BEND7: variants seen among roughly 807,000 people sequenced by gnomAD.
BEND7 encodes the protein BEN domain containing 7.
In BEND7, 28 loss-of-function variants were observed where a neutral mutation model predicts 50.9. The observed-to-expected ratio is 0.55, with a 90% CI of 0.41 to 0.75. The LOEUF is 0.75. Ranked by LOEUF, BEND7 falls within the 30% of genes least tolerant of loss-of-function variation. The pLI, the probability that BEND7 is intolerant of heterozygous loss-of-function variation, is 0.00. For synonymous variants in BEND7, 170 were observed against 183.9 expected (o/e 0.92, Z 0.61); for missense variants, 477 against 491.3 (o/e 0.97, Z 0.28).
chr10:13,522,026 T>C (rs896688844), intron 2 of BEND7, among the ~76,000 whole-genome samples: 1 of 152,218 alleles, frequency 6.6e-6, no homozygotes, highest in African/African-American at 2.4e-5. Context: ...CTGGCATGGC[T>C]GCCACACTGT....
Position 13,528,855 on chromosome 10 carries a change from C to G in BEND7, c.-322G>C, listed in dbSNP as rs1246682814. ...GTTCCAGACGCCGCCCGCCGCAGCC[C>G]AACTTTCCGTTGGGAGCGGGCCGGG... On this transcript the variant is annotated 5_prime_UTR_variant, in exon 1 of 9. Coordinates refer to ENST00000466271, the MANE Select transcript of BEND7 (RefSeq NM_001369863.1). 4.2e-5 allele frequency: 6 copies of G among 144,058 alleles called. No homozygotes were observed. In the South Asian group the frequency reaches 6.3e-4, roughly 15 times the overall value. 8.9% of individuals were successfully genotyped at this position (144,058 alleles called of 1,614,324 possible).
intron 2 of BEND7, among the ~76,000 whole-genome samples, chr10:13,501,086 T>A (rs994660699): frequency 3.9e-5 from 6 of 152,034 alleles, no homozygotes; most frequent in African/African-American, 9.7e-5. Context: ...AGATAGAAAA[T>A]CTTTTTGGCC....
intron 6 of BEND7, among the ~76,000 whole-genome samples, chr10:13,478,733 AC>A (rs1157281847): frequency 6.6e-6 from 1 of 151,860 alleles, no homozygotes; most frequent in African/African-American, 2.4e-5. Context: ...ATGAATAAAC[AC>A]TGCAAATAAA....
chr10:13,489,710 G>T (rs1382232445), intron 5 of BEND7, among the ~76,000 whole-genome samples: 1 of 152,118 alleles, frequency 6.6e-6, no homozygotes, highest in Non-Finnish European at 1.5e-5. Flanking sequence ...CTATCCAGGA[G>T]GATCGTTCAA....
intron 6 of BEND7, among the ~76,000 whole-genome samples, chr10:13,462,195 T>C (rs1453966108): frequency 6.6e-6 from 1 of 152,216 alleles, no homozygotes; most frequent in East Asian, 1.9e-4. Flanking sequence ...TCTGTTCTCA[T>C]GCTGCTAATA....
intron 6 of BEND7, among the ~76,000 whole-genome samples, chr10:13,471,390 C>T (rs374241284): frequency 3.3e-5 from 5 of 152,348 alleles, no homozygotes; most frequent in African/African-American, 1.2e-4. Context: ...CTTCTGTTAA[C>T]ACACTGTTTG....
chr10:13,519,299 C>T (rs1199360937), intron 2 of BEND7, among the ~76,000 whole-genome samples: 9 of 152,020 alleles, frequency 5.9e-5, no homozygotes, highest in South Asian at 2.1e-4. Context: ...GGTGAAACCC[C>T]GTCTCTACTA....
chr10:13,455,482 G>A (rs1838746077), intron 6 of BEND7, among the ~76,000 whole-genome samples: 1 of 152,164 alleles, frequency 6.6e-6, no homozygotes, highest in Non-Finnish European at 1.5e-5. Context: ...GAGGGCTGGG[G>A]AGGGTGGCCA....
chr10:13,441,545 C>G lies in BEND7; in HGVS notation c.*198G>C. 3.5e-6 allele frequency: 5 copies of G among 1,416,374 alleles called. No individual in the cohort carries two copies. Among genetic ancestry groups the G allele is most frequent in the Non-Finnish European group, 4.6e-6 (5 of 1,086,172 alleles). 87.7% of individuals were successfully genotyped at this position (1,416,374 alleles called of 1,614,324 possible). A position where few individuals can be genotyped will look rare whatever the true frequency, so the allele number is the denominator to read the frequency against. On this transcript the variant is annotated 3_prime_UTR_variant, in exon 9 of 9. Transcript: ENST00000466271. ...AGGCAGTGCTTCTGAAGGTTCCCAG[C>G]AGATCTCTTAACAGACCACAGTTGG...
intron 2 of BEND7, among the ~76,000 whole-genome samples, chr10:13,524,963 C>T (rs2079348666): frequency 6.6e-6 from 1 of 152,142 alleles, no homozygotes; most frequent in Admixed American, 6.5e-5. Flanking sequence ...CCTTTCTATC[C>T]CTCAAAGCAA....
chr10:13,453,627 T>C (rs1320357280), intron 6 of BEND7, among the ~76,000 whole-genome samples: 1 of 152,116 alleles, frequency 6.6e-6, no homozygotes, highest in Non-Finnish European at 1.5e-5. Flanking sequence ...AAGAGCTCAT[T>C]CAAATAAAAG....
chr10:13,462,358 G>T (rs1840387845), intron 6 of BEND7, among the ~76,000 whole-genome samples: 2 of 152,134 alleles, frequency 1.3e-5, no homozygotes, highest in Admixed American at 6.5e-5. Flanking sequence ...CTTGTGCAGG[G>T]GAACTTCCAT....
At chr10:13,495,928 A>G (rs2076989018) in intron 4 of BEND7, among the ~76,000 whole-genome samples, 1 of 152,236 alleles carries the variant, frequency 6.6e-6, no homozygotes, top group Admixed American at 6.5e-5. Flanking sequence ...GGGAAAACTT[A>G]ATACAATGAT....
At position 13,494,399 on chromosome 10, in the gene BEND7, G is replaced by C. The variant is rs184004169; in HGVS notation, c.572-1523C>G. Among the ~76,000 whole-genome samples the C allele has an allele frequency of 6.6e-5, 10 of 152,330 alleles. 1 individual carries two copies. Among genetic ancestry groups the C allele is most frequent in the Admixed American group, 3.9e-4 (6 of 15,294 alleles). On this transcript the variant is annotated intron_variant, in intron 4 of 8. Transcript: ENST00000466271. ...GCCACTGCACTCCAGCCTGGCGACA[G>C]AGTGAGACTATGTCTCAAAACAAAA...
chr10:13,473,402 G>A (rs989249053), intron 6 of BEND7, among the ~76,000 whole-genome samples: 3 of 150,976 alleles, frequency 2.0e-5, no homozygotes, highest in Non-Finnish European at 4.4e-5. Flanking sequence ...ATCCATCATC[G>A]CTGTTGGACT....
intron 6 of BEND7, among the ~76,000 whole-genome samples, chr10:13,473,810 G>A (rs1485080980): frequency 2.6e-5 from 4 of 151,220 alleles, no homozygotes; most frequent in East Asian, 3.9e-4. Context: ...TTACACTCAG[G>A]GCTGATATCC....
chr10:13,448,246 C>A (rs1281904468), intron 7 of BEND7, among the ~76,000 whole-genome samples: 6 of 152,124 alleles, frequency 3.9e-5, no homozygotes, highest in African/African-American at 1.4e-4. Flanking sequence ...ACGTGTGTCT[C>A]TTGACAAGGG....
At chr10:13,508,769 A>G (rs2078073114) in intron 2 of BEND7, among the ~76,000 whole-genome samples, 1 of 152,264 alleles carries the variant, frequency 6.6e-6, no homozygotes, top group Non-Finnish European at 1.5e-5. Context: ...TGACCGAAAA[A>G]AAAATGTAAT....
chr10:13,516,001 C>T (rs890824950), intron 2 of BEND7, among the ~76,000 whole-genome samples: 5 of 152,206 alleles, frequency 3.3e-5, no homozygotes, highest in African/African-American at 4.8e-5. Flanking sequence ...CACAAGGAAA[C>T]GGCCTCATCT....
Sources: gnomAD v4.1 joint callset for allele counts (sites outside exome capture counted in the v4.1 genomes callset) on GRCh38, gnomAD v4.1.1 for gene constraint, MANE v1.5 for transcripts, NCBI Gene and HGNC (gene_info 2026-07-23, HGNC 2026-07-21) for gene names.